CNTNAP5: variants seen among roughly 807,000 people sequenced by gnomAD.
The protein encoded by CNTNAP5 is contactin associated protein family member 5.
In CNTNAP5, 72 loss-of-function variants were observed where a neutral mutation model predicts 150.2. That is an observed-to-expected ratio of 0.48 (90% CI 0.40 to 0.58). CNTNAP5 has a LOEUF of 0.58. CNTNAP5 is among the 20% of genes least tolerant of loss of function. The pLI is 0.00. For missense variants in CNTNAP5, 1,636 were observed against 1,626.2 expected (o/e 1.01, Z -0.10); for synonymous variants, 672 against 619.8 (o/e 1.08, Z -1.25).
At position 124,798,174 on chromosome 2, in the gene CNTNAP5, G is replaced by A; in HGVS notation, c.3071G>A (p.Ser1024Asn). ...QEPYPVTKNI[S>N]LSSSAIYTDS... ...CCCTATCCTGTGACCAAGAATATAA[G>A]CCTCTCATCCTCAGCTATTTACACA... is the stretch of plus-strand genomic sequence containing the variant. Residue 1024 changes from serine to asparagine, a missense_variant, in exon 19 of 24, where the codon AGC (serine) becomes AAC (asparagine). Transcript: ENST00000682447. 1 of 1,613,822 alleles carries A rather than the reference G, an allele frequency of 6.2e-7. No homozygotes were observed. The highest frequency in any genetic ancestry group is 1.7e-5 in the Admixed American group (1 of 59,980).
chr2:124,438,723 C>T (rs1370688674), intron 5 of CNTNAP5, among the ~76,000 whole-genome samples: 1 of 152,166 alleles, frequency 6.6e-6, no homozygotes, highest in African/African-American at 2.4e-5. Flanking sequence ...AGCCAACTCA[C>T]ACATATTTAT....
chr2:124,095,058 C>A (rs1180205911), intron 1 of CNTNAP5, among the ~76,000 whole-genome samples: 1 of 152,080 alleles, frequency 6.6e-6, no homozygotes, highest in Non-Finnish European at 1.5e-5. Flanking sequence ...ATGTTTATTG[C>A]AGCACTAGTA....
intron 11 of CNTNAP5, among the ~76,000 whole-genome samples, chr2:124,599,077 G>A (rs377063004): frequency 6.6e-6 from 1 of 152,160 alleles, no homozygotes; most frequent in Non-Finnish European, 1.5e-5. Flanking sequence ...CGGTACCTCA[G>A]ATGGAAATGC....
intron 10 of CNTNAP5, among the ~76,000 whole-genome samples, chr2:124,540,456 A>G (rs1345082243): frequency 2.0e-5 from 3 of 152,174 alleles, no homozygotes; most frequent in Non-Finnish European, 4.4e-5. Context: ...TCTAGGTCCT[A>G]CTAACTGAGA....
intron 19 of CNTNAP5, among the ~76,000 whole-genome samples, chr2:124,812,502 A>T (rs1682258766): frequency 6.6e-6 from 1 of 152,098 alleles, no homozygotes; most frequent in East Asian, 1.9e-4. Context: ...ATTCAGGAAA[A>T]GTCAACTAGC....
At chr2:124,262,629 A>C (rs1271708768) in intron 3 of CNTNAP5, among the ~76,000 whole-genome samples, 1 of 151,872 alleles carries the variant, frequency 6.6e-6, no homozygotes, top group African/African-American at 2.4e-5. Flanking sequence ...AGGACAAAAT[A>C]GAATTTTTCC....
At chr2:124,278,570 C>T (rs950328594) in intron 3 of CNTNAP5, among the ~76,000 whole-genome samples, 1 of 152,142 alleles carries the variant, frequency 6.6e-6, no homozygotes, top group African/African-American at 2.4e-5. Context: ...AAACAAGCCT[C>T]ATGTGGATGA....
At chr2:124,174,166 G>A (rs1261835376) in intron 1 of CNTNAP5, among the ~76,000 whole-genome samples, 1 of 151,848 alleles carries the variant, frequency 6.6e-6, no homozygotes, top group Non-Finnish European at 1.5e-5. Flanking sequence ...CAATGCACCT[G>A]GTTACCCAAG....
Position 124,221,768 on chromosome 2 carries a change from T to C in CNTNAP5, c.146T>C (p.Leu49Pro), listed in dbSNP as rs372174479. The C allele has an allele frequency of 2.5e-6, 4 of 1,611,014 alleles. No individual in the cohort carries two copies. The highest frequency in any genetic ancestry group is 3.4e-6 in the Non-Finnish European group (4 of 1,178,500). The change falls in exon 2 of 24, where the codon CTC becomes CCC. Residue 49 changes from leucine (L) to proline (P), a missense_variant. Physicochemically the swap from Leu to Pro is moderately conservative, Grantham distance 98. Transcript: ENST00000682447. ...ATGGCTTTTTCCAGTTCCTCAGACCTCACTGGCACTCACAGCCCAGCTCAA... is the reference window on the plus strand; with the variant it reads ...ATGGCTTTTTCCAGTTCCTCAGACCCCACTGGCACTCACAGCCCAGCTCAA... Reference protein sequence around the residue: ...SPMAFSSSSDLTGTHSPAQLN... With the variant: ...SPMAFSSSSDPTGTHSPAQLN...
chr2:124,889,982 A>C (rs947356410), intron 21 of CNTNAP5, among the ~76,000 whole-genome samples: 3 of 152,108 alleles, frequency 2.0e-5, no homozygotes, highest in African/African-American at 7.2e-5. Context: ...ATCCAACTCT[A>C]TTGACTTATA....
chr2:124,346,377 A>T (rs1689737612), intron 3 of CNTNAP5, among the ~76,000 whole-genome samples: 1 of 152,224 alleles, frequency 6.6e-6, no homozygotes, highest in African/African-American at 2.4e-5. Context: ...TAGTCTGAAG[A>T]AAAGCAAGAT....
At chr2:124,804,436 A>G (rs1682038864) in intron 19 of CNTNAP5, among the ~76,000 whole-genome samples, 1 of 152,176 alleles carries the variant, frequency 6.6e-6, no homozygotes, top group South Asian at 2.1e-4. Context: ...CCTAAGTCCC[A>G]AGAAGATTGC....
intron 1 of CNTNAP5, among the ~76,000 whole-genome samples, chr2:124,200,421 A>G (rs991754580): frequency 1.1e-4 from 16 of 152,126 alleles, no homozygotes; most frequent in African/African-American, 3.6e-4. Context: ...TGGTTTTCAA[A>G]TTTATTGACA....
Position 124,426,754 on chromosome 2 carries a change from A to G in CNTNAP5, c.530-7730A>G, listed in dbSNP as rs577628117. On this transcript the variant is annotated intron_variant, in intron 4 of 23. Transcript: ENST00000682447. ...GTTGACAAGCTACCAACATCCATCA[A>G]ATATGCCAGCATATGCCTCCAGAAC... 2.5e-4 allele frequency among the ~76,000 whole-genome samples: 38 copies of G among 152,326 alleles called. 1 individual carries two copies. The East Asian group carries it at 2.5e-3, about 10-fold the overall frequency.
rs370595870 is a variant in CNTNAP5 at position 124,305,059 on chromosome 2, A to G, written c.381+62666A>G. Among the ~76,000 whole-genome samples, 451 of 137,970 alleles carry G rather than the reference A, an allele frequency of 3.3e-3. 4 individuals are homozygous for G. The highest frequency in any genetic ancestry group is 0.012 in the African/African-American group (430 of 37,136). The allele number at this position is 137,970 out of a possible 152,430, so 90.5% of individuals were successfully genotyped here. On this transcript the variant is annotated intron_variant, in intron 3 of 23. Coordinates refer to ENST00000682447, the MANE Select transcript of CNTNAP5 (RefSeq NM_001367498.1). ...GGCAGGTGAGTTGCTTGAGCTCAGG[A>G]GTTTAAGACCAGCCTGGGCAATATG...
chr2:124,730,346 G>GATATAT (rs139189466), intron 13 of CNTNAP5, among the ~76,000 whole-genome samples: 6 of 147,016 alleles, frequency 4.1e-5, no homozygotes, highest in African/African-American at 1.2e-4. Flanking sequence ...CATGTGTACA[G>GATATAT]ATATATATAT....
intron 3 of CNTNAP5, among the ~76,000 whole-genome samples, chr2:124,376,489 T>C (rs1216307434): frequency 1.3e-5 from 2 of 152,096 alleles, no homozygotes; most frequent in African/African-American, 4.8e-5. Context: ...TCTGCTAAGA[T>C]AAAAGTTTTT....
chr2:124,743,221 C>A (rs1680535746), intron 13 of CNTNAP5, among the ~76,000 whole-genome samples: 1 of 151,992 alleles, frequency 6.6e-6, no homozygotes, highest in Non-Finnish European at 1.5e-5. Context: ...GTTTAATAAC[C>A]CCATTTGGTG....
At chr2:124,162,177 A>G (rs1369280665) in intron 1 of CNTNAP5, among the ~76,000 whole-genome samples, 4 of 152,320 alleles carry the variant, frequency 2.6e-5, no homozygotes, top group South Asian at 2.1e-4. Context: ...CTTTAAGTTC[A>G]TGCTGCCAAG....
Sources: allele counts gnomAD v4.1 joint callset (sites outside exome capture counted in the v4.1 genomes callset), GRCh38; gene constraint gnomAD v4.1.1; transcripts MANE v1.5; gene names NCBI Gene and HGNC (gene_info 2026-07-23, HGNC 2026-07-21).